The following AMOT variants were observed in gnomAD, a reference collection of about 807,000 sequenced individuals.
AMOT encodes the protein angiomotin.
A neutral mutation model predicts 67.0 loss-of-function variants in AMOT; 11 were observed. That is an observed-to-expected ratio of 0.16 (90% CI 0.10 to 0.27). The LOEUF is 0.27. Ranked by LOEUF, AMOT falls within the 10% of genes least tolerant of loss-of-function variation. The pLI, the probability that AMOT is intolerant of heterozygous loss-of-function variation, is 1.00. For synonymous variants in AMOT, 326 were observed against 321.4 expected (o/e 1.01, Z -0.15); for missense variants, 753 against 852.0 (o/e 0.88, Z 1.45).
intron 5 of AMOT, among the ~76,000 whole-genome samples, chrX:112,813,864 G>A (rs1024166921): frequency 4.5e-5 from 5 of 111,703 alleles, no homozygotes; most frequent in Non-Finnish European, 9.4e-5. Context: ...TAAAATTTGC[G>A]GGTGAAAATA....
At position 112,828,524 on chromosome X, in the gene AMOT, G is replaced by A. The variant is rs182674677; in HGVS notation, c.-211-3304C>T. On this transcript the variant is annotated intron_variant, in intron 2 of 13. Transcript: ENST00000371959. ...AAAGTAGCCTTTTTTTTTTTTAGAA[G>A]TGTACAGCAATTTTATGAAGAAAGG... Among the ~76,000 whole-genome samples the A allele has an allele frequency of 3.9e-3, 412 of 105,558 alleles. 1 individual carries two copies. Among genetic ancestry groups the A allele is most frequent in the African/African-American group, 0.013 (377 of 28,760 alleles). The allele number at this position is 105,558 out of a possible 115,157, so 91.7% of individuals were successfully genotyped here.
At chrX:112,819,547 G>T (rs1569403806) in intron 4 of AMOT, 1 of 252,583 alleles carries the variant, frequency 4.0e-6, no homozygotes, top group Non-Finnish European at 5.5e-6. Flanking sequence ...AAACAGAAAT[G>T]ATTTAATTTT....
intron 9 of AMOT, 56 bp downstream of exon 9, chrX:112,791,776 G>C: frequency 8.5e-7 from 1 of 1,182,873 alleles, no homozygotes; most frequent in Non-Finnish European, 1.1e-6. Flanking sequence ...TAAGCAACCA[G>C]GAATAATGTC....
At chrX:112,782,939 T>C (rs1281084998) in intron 10 of AMOT, among the ~76,000 whole-genome samples, 5 of 111,281 alleles carry the variant, frequency 4.5e-5, no homozygotes, top group African/African-American at 1.6e-4. Flanking sequence ...ACAGATATCA[T>C]CCCAAAACCT....
intron 3 of AMOT, among the ~76,000 whole-genome samples, chrX:112,823,680 T>G (rs1472063879): frequency 8.9e-6 from 1 of 111,868 alleles, no homozygotes; most frequent in East Asian, 2.8e-4. Context: ...AAATAAAAGG[T>G]GAAGAGAGCT....
At chrX:112,818,064 A>C (rs970507100) in intron 4 of AMOT, among the ~76,000 whole-genome samples, 2 of 111,377 alleles carry the variant, frequency 1.8e-5, no homozygotes, top group Admixed American at 1.9e-4. Flanking sequence ...AGAGGGGCTT[A>C]AGTTTCATGT....
At chrX:112,813,193 T>C (rs1254711710) in intron 5 of AMOT, among the ~76,000 whole-genome samples, 1 of 111,942 alleles carries the variant, frequency 8.9e-6, no homozygotes, top group Non-Finnish European at 1.9e-5. Context: ...TTTCAAGATC[T>C]TGTACTAATC....
intron 7 of AMOT, among the ~76,000 whole-genome samples, chrX:112,807,624 T>C (rs2147805349): frequency 9.0e-6 from 1 of 111,309 alleles, no homozygotes; most frequent in African/African-American, 3.3e-5. Flanking sequence ...GAATCAACAA[T>C]GCTAGATGGT....
chrX:112,797,309 T>C (rs589150), intron 8 of AMOT, among the ~76,000 whole-genome samples: 7,786 of 111,239 alleles, frequency 0.07, 696 homozygotes, highest in African/African-American at 0.24. Context: ...TGTATGTTCA[T>C]AGCCAACACA....
At chrX:112,788,817 T>C (rs1302184913) in intron 10 of AMOT, among the ~76,000 whole-genome samples, 1 of 112,374 alleles carries the variant, frequency 8.9e-6, no homozygotes, top group Non-Finnish European at 1.9e-5. Context: ...GGCATGCACA[T>C]TTTGCCAAAA....
intron 8 of AMOT, among the ~76,000 whole-genome samples, chrX:112,796,033 TAA>T (rs746583302): frequency 1.0e-5 from 1 of 99,737 alleles, no homozygotes; most frequent in African/African-American, 3.7e-5. Context: ...TTCAGAAGTT[TAA>T]AAAAAAAAAA....
intron 10 of AMOT, among the ~76,000 whole-genome samples, chrX:112,783,442 C>T (rs2147779536): frequency 9.0e-6 from 1 of 111,157 alleles, no homozygotes; most frequent in African/African-American, 3.3e-5. Flanking sequence ...CACCTGAGTA[C>T]TAGAAGCAAA....
In AMOT at chrX:112,782,658, T is replaced by C; in HGVS notation, c.2122A>G (p.Thr708Ala). Residue 708 changes from threonine (T) to alanine (A), a missense_variant, in exon 11 of 14, where the codon ACA becomes GCA. By Grantham distance (58) the Thr-to-Ala change is moderately conservative. Coordinates refer to ENST00000371959, the MANE Select transcript of AMOT (RefSeq NM_001113490.2). ...AAATVAAQRD[T>A]TVISHSPNTS... Reference sequence around the variant, plus strand: ...TTAGGAGAGTGACTGATGACTGTTGTGTCCCTGGGGAGGAAAATGGAAGTG... The same window carrying C: ...TTAGGAGAGTGACTGATGACTGTTGCGTCCCTGGGGAGGAAAATGGAAGTG... 3.3e-6 allele frequency: 4 copies of C among 1,208,935 alleles called. No homozygotes were observed. The highest frequency in any genetic ancestry group is 4.5e-6 in the Non-Finnish European group (4 of 894,020).
chrX:112,780,291 T>C (rs756771338), intron 12 of AMOT: 117 of 112,717 alleles, frequency 1.0e-3, no homozygotes, highest in Non-Finnish European at 1.8e-3. Flanking sequence ...AATAAAAATA[T>C]ATATAAGCTT....
chrX:112,830,793 A>G (rs1165755400), intron 2 of AMOT, among the ~76,000 whole-genome samples: 2 of 112,170 alleles, frequency 1.8e-5, no homozygotes, highest in East Asian at 5.6e-4. Flanking sequence ...CAGGTGGGTG[A>G]AAACAGGTTC....
chrX:112,793,512 T>C (rs1418159628), intron 8 of AMOT, among the ~76,000 whole-genome samples: 2 of 111,762 alleles, frequency 1.8e-5, no homozygotes. Flanking sequence ...CATGTAGTGA[T>C]AGAAAAACCC....
intron 1 of AMOT, among the ~76,000 whole-genome samples, chrX:112,832,719 C>G (rs1301629659): frequency 8.9e-6 from 1 of 111,991 alleles, no homozygotes; most frequent in East Asian, 2.8e-4. Flanking sequence ...ATGACTAAAC[C>G]CAGTTCCCAG....
intron 4 of AMOT, 109 bp downstream of exon 4, chrX:112,822,146 A>G: frequency 1.2e-5 from 12 of 984,651 alleles, no homozygotes; most frequent in Non-Finnish European, 1.6e-5. Flanking sequence ...CATGCATTGC[A>G]GAGTTTGTTA....
chrX:112,828,541 G>A (rs1033893798), intron 2 of AMOT, among the ~76,000 whole-genome samples: 1 of 107,316 alleles, frequency 9.3e-6, no homozygotes, highest in African/African-American at 3.4e-5. Flanking sequence ...GCAATTTTAT[G>A]AAGAAAGGTT....
Sources: allele counts gnomAD v4.1 joint callset (sites outside exome capture counted in the v4.1 genomes callset), GRCh38; gene constraint gnomAD v4.1.1; transcripts MANE v1.5; gene names NCBI Gene and HGNC (gene_info 2026-07-23, HGNC 2026-07-21).